Variants in KCNIP4 observed in about 807,000 individuals in gnomAD.
The protein encoded by KCNIP4 is potassium voltage-gated channel interacting protein 4, also known as Kv channel-interacting protein 4.
KCNIP4 carries 12 observed loss-of-function variants against 34.0 expected under a neutral mutation model. That is an observed-to-expected ratio of 0.35 (90% CI 0.23 to 0.57). The LOEUF (loss-of-function observed/expected upper bound fraction) is 0.57. Among genes scored for constraint, KCNIP4 ranks in the 20% least tolerant of loss-of-function variants. The pLI is 0.83. For missense variants in KCNIP4, 238 were observed against 311.7 expected, an observed-to-expected ratio of 0.76 and a Z score of 1.78; for synonymous variants, 124 against 102.2, an observed-to-expected ratio of 1.21 and a Z score of -1.29.
At chr4:21,620,732 C>T (rs1473541138) in intron 1 of KCNIP4, among the ~76,000 whole-genome samples, 1 of 152,220 alleles carries the variant, frequency 6.6e-6, no homozygotes, top group East Asian at 1.9e-4. Flanking sequence ...ACACATTCTA[C>T]AACTCAGGAG....
At chr4:21,462,216 T>A (rs1308191123) in intron 1 of KCNIP4, among the ~76,000 whole-genome samples, 1 of 152,116 alleles carries the variant, frequency 6.6e-6, no homozygotes, top group Non-Finnish European at 1.5e-5. Flanking sequence ...TGTATTTGTG[T>A]GTTTTCACCC....
chr4:21,416,703 C>T (rs1265125295), intron 1 of KCNIP4, among the ~76,000 whole-genome samples: 1 of 152,186 alleles, frequency 6.6e-6, no homozygotes, highest in Non-Finnish European at 1.5e-5. Context: ...AGAGAACTGA[C>T]TTCAAATGCA....
intron 1 of KCNIP4, among the ~76,000 whole-genome samples, chr4:21,515,323 C>T (rs947226212): frequency 5.3e-5 from 8 of 152,100 alleles, no homozygotes; most frequent in Non-Finnish European, 1.2e-4. Context: ...AAACTTAATT[C>T]CCAGTGCATT....
chr4:21,913,844 G>T (rs192835816), intron 1 of KCNIP4, among the ~76,000 whole-genome samples: 102 of 152,290 alleles, frequency 6.7e-4, no homozygotes, highest in African/African-American at 2.1e-3. Context: ...GTCTAAATCA[G>T]CCTGGGGAGG....
chr4:21,738,493 A>G (rs554116048), intron 1 of KCNIP4, among the ~76,000 whole-genome samples: 1 of 152,336 alleles, frequency 6.6e-6, no homozygotes, highest in African/African-American at 2.4e-5. Flanking sequence ...CAAAACCTTT[A>G]ATTCCTAGAA....
rs545465652 is a variant in KCNIP4 at position 20,760,824 on chromosome 4, AAAAC to A, written c.289-1938_289-1935del. Reference sequence around the variant, plus strand: ...ACCTAAGAGAATTGGAGTAAAGAAAAAAACAACCAAAAACAAATGAGCAAGCAAG... The same window carrying A: ...ACCTAAGAGAATTGGAGTAAAGAAAAAACCAAAAACAAATGAGCAAGCAAG... On this transcript the variant is annotated intron_variant, in intron 3 of 8. Coordinates refer to ENST00000382152, the MANE Select transcript of KCNIP4 (RefSeq NM_025221.6). 5.6e-4 allele frequency among the ~76,000 whole-genome samples: 85 copies of A among 152,278 alleles called. 1 individual carries two copies. Among genetic ancestry groups the A allele is most frequent in the South Asian group, 4.6e-3 (22 of 4,830 alleles).
intron 1 of KCNIP4, among the ~76,000 whole-genome samples, chr4:21,750,271 T>C (rs1040788860): frequency 1.3e-5 from 2 of 152,324 alleles, no homozygotes; most frequent in East Asian, 1.9e-4. Flanking sequence ...AGAGTAGTGA[T>C]GCTGGCATTT....
At chr4:21,920,030 A>G (rs2108994087) in intron 1 of KCNIP4, among the ~76,000 whole-genome samples, 1 of 152,362 alleles carries the variant, frequency 6.6e-6, no homozygotes, top group South Asian at 2.1e-4. Context: ...ACAGGGAGCA[A>G]AGATGATGAT....
intron 1 of KCNIP4, among the ~76,000 whole-genome samples, chr4:20,978,844 C>T (rs551968577): frequency 6.6e-6 from 1 of 152,130 alleles, no homozygotes; most frequent in Admixed American, 6.6e-5. Context: ...CAGCAACTAT[C>T]TTTAATTGAT....
chr4:21,915,976 C>A (rs1209793878), intron 1 of KCNIP4, among the ~76,000 whole-genome samples: 1 of 152,218 alleles, frequency 6.6e-6, no homozygotes, highest in African/African-American at 2.4e-5. Flanking sequence ...GCCCACAGCA[C>A]CAGCTGTTGT....
chr4:20,794,890 A>C (rs1713253495), intron 3 of KCNIP4, among the ~76,000 whole-genome samples: 2 of 152,212 alleles, frequency 1.3e-5, no homozygotes, highest in Admixed American at 1.3e-4. Context: ...GTTCTTTAAA[A>C]TTTTTGAGAA....
At chr4:21,380,056 T>C (rs1721339741) in intron 1 of KCNIP4, among the ~76,000 whole-genome samples, 2 of 152,226 alleles carry the variant, frequency 1.3e-5, no homozygotes, top group South Asian at 4.2e-4. Context: ...TTGCTATTGG[T>C]GATTGACAGA....
intron 1 of KCNIP4, among the ~76,000 whole-genome samples, chr4:20,989,457 A>G (rs914306667): frequency 6.6e-6 from 1 of 152,196 alleles, no homozygotes; most frequent in Non-Finnish European, 1.5e-5. Flanking sequence ...CTTGCTTAGT[A>G]TAGGAAAAAT....
At chr4:21,247,800 GATATATATATATATAT>G (rs369985938) in intron 1 of KCNIP4, among the ~76,000 whole-genome samples, 1 of 50,812 alleles carries the variant, frequency 2.0e-5, no homozygotes, top group Admixed American at 2.1e-4. Context: ...ACCACAGGTG[GATATATATATATATAT>G]ATATACACAC....
chr4:21,686,626 C>T (rs978686713), intron 1 of KCNIP4, among the ~76,000 whole-genome samples: 1 of 152,086 alleles, frequency 6.6e-6, no homozygotes, highest in Non-Finnish European at 1.5e-5. Flanking sequence ...GGACCTACCC[C>T]ATTTAAAAAT....
chr4:20,929,546 C>T (rs944110770), intron 1 of KCNIP4, among the ~76,000 whole-genome samples: 2 of 151,750 alleles, frequency 1.3e-5, no homozygotes, highest in African/African-American at 4.8e-5. Context: ...AGCAATCAGA[C>T]CAGAGAAAGA....
rs1718692933 is a variant in KCNIP4 at position 21,770,290 on chromosome 4, T to C, written c.61+178281A>G. On this transcript the variant is annotated intron_variant, in intron 1 of 8. Transcript: ENST00000382152. ...GCTTCATCTATGTCCCTGCAAAAGA[T>C]ATGGCCTCATTCCTTTTTATGGCTG... is the stretch of plus-strand genomic sequence containing the variant. Among the ~76,000 whole-genome samples the C allele has an allele frequency of 3.3e-5, 5 of 152,144 alleles. No homozygotes were observed. In the South Asian group the frequency reaches 1.0e-3, roughly 31 times the overall value.
chr4:21,157,456 A>G (rs1196260917), intron 1 of KCNIP4, among the ~76,000 whole-genome samples: 1 of 152,136 alleles, frequency 6.6e-6, no homozygotes, highest in Non-Finnish European at 1.5e-5. Flanking sequence ...ATCCGAAACA[A>G]CAACAACCAA....
intron 1 of KCNIP4, among the ~76,000 whole-genome samples, chr4:21,207,077 C>T (rs1190884707): frequency 1.3e-5 from 2 of 152,124 alleles, no homozygotes. Flanking sequence ...AAATTAGACA[C>T]CCCCCTGGTT....
Sources: gnomAD v4.1 joint callset for allele counts (sites outside exome capture counted in the v4.1 genomes callset) on GRCh38, gnomAD v4.1.1 for gene constraint, MANE v1.5 for transcripts, NCBI Gene and HGNC (gene_info 2026-07-23, HGNC 2026-07-21) for gene names.